Variants in VPS45 observed in about 807,000 individuals in gnomAD.
The protein encoded by VPS45 is vacuolar protein sorting-associated protein 45.
In VPS45, 35 loss-of-function variants were observed where a neutral mutation model predicts 75.9. That is an observed-to-expected ratio of 0.46 (90% CI 0.35 to 0.61). The LOEUF is 0.61. Among genes scored for constraint, VPS45 ranks in the 20% least tolerant of loss-of-function variants. The pLI is 0.00. For missense variants in VPS45, 559 were observed against 685.9 expected (o/e 0.81, Z 2.07); for synonymous variants, 220 against 238.2 (o/e 0.92, Z 0.70).
At chr1:150,110,726 C>A in intron 14 of VPS45, 99 bp downstream of exon 14, 2 of 1,184,562 alleles carry the variant, frequency 1.7e-6, no homozygotes, top group Non-Finnish European at 2.3e-6. Context: ...ACTCACCAAA[C>A]TGCTGTAGAC....
chr1:150,072,290 C>T, intron 3 of VPS45, 64 bp downstream of exon 3: 1 of 1,120,348 alleles, frequency 8.9e-7, no homozygotes, highest in Non-Finnish European at 1.3e-6. Flanking sequence ...TTTCATTGAG[C>T]CCTTCATATC....
At chr1:150,116,661 T>C (rs1241081379) in intron 14 of VPS45, among the ~76,000 whole-genome samples, 2 of 152,234 alleles carry the variant, frequency 1.3e-5, no homozygotes, top group Non-Finnish European at 2.9e-5. Context: ...GTTTTATTAC[T>C]TGATGGTAGC....
chr1:150,094,482 G>A (rs1368714644), intron 13 of VPS45, among the ~76,000 whole-genome samples: 1 of 151,968 alleles, frequency 6.6e-6, no homozygotes, highest in Non-Finnish European at 1.5e-5. Context: ...TCTTTTATGT[G>A]ATAAAGTGTA....
chr1:150,076,886 G>C (rs1553798193), intron 4 of VPS45, 30 bp from the exon 5 acceptor site: 1 of 1,612,096 alleles, frequency 6.2e-7, no homozygotes, highest in African/African-American at 1.3e-5. Context: ...GAAGTTTATG[G>C]AATGACTATT....
chr1:150,068,049 G>A, intron 1 of VPS45, 99 bp downstream of exon 1: 1 of 1,236,772 alleles, frequency 8.1e-7, no homozygotes. Context: ...TTAAACATAC[G>A]AAAATGAGGG....
chr1:150,140,386 GGTGT>G (rs574312693), intron 14 of VPS45, among the ~76,000 whole-genome samples: 4,473 of 140,350 alleles, frequency 0.032, 109 homozygotes, highest in African/African-American at 0.073. Context: ...CATCACTTCT[GGTGT>G]GTGTGTGTGT....
At position 150,110,535 on chromosome 1, in the gene VPS45, C is replaced by A; in HGVS notation, c.1533C>A (p.Thr511=). Residue 511 remains threonine (T), a synonymous_variant, in exon 14 of 15, where the codon ACC becomes ACA. Coordinates refer to ENST00000644510, the MANE Select transcript of VPS45 (RefSeq NM_007259.5). ...TTGTGTTTGTAATTGGAGGAGCCAC[C>A]TATGAAGAGGCTCTAACAGTTTATA... ...DIIVFVIGGA[T]YEEALTVYNL... is the part of the protein sequence containing the mutation. The A allele has an allele frequency of 6.2e-7, 1 of 1,613,568 alleles. No individual in the cohort carries two copies. Among genetic ancestry groups the A allele is most frequent in the South Asian group, 1.1e-5 (1 of 91,054 alleles).
intron 14 of VPS45, among the ~76,000 whole-genome samples, chr1:150,111,554 A>G (rs1422466882): frequency 6.6e-6 from 1 of 152,204 alleles, no homozygotes; most frequent in Non-Finnish European, 1.5e-5. Context: ...AGCTAAAGGT[A>G]GAAGAGGAAA....
intron 10 of VPS45, 115 bp from the exon 11 acceptor site, chr1:150,091,822 A>G: frequency 2.2e-6 from 2 of 913,638 alleles, no homozygotes; most frequent in Non-Finnish European, 3.2e-6. Context: ...TGTATGACTT[A>G]TAATTGTCAT....
At chr1:150,115,271 A>G (rs1194762135) in intron 14 of VPS45, among the ~76,000 whole-genome samples, 1 of 152,098 alleles carries the variant, frequency 6.6e-6, no homozygotes, top group African/African-American at 2.4e-5. Context: ...TTTTCAGATC[A>G]GTGTTCCAGT....
chr1:150,074,201 T>A (rs1475806726), intron 3 of VPS45, among the ~76,000 whole-genome samples: 1 of 151,782 alleles, frequency 6.6e-6, no homozygotes, highest in Non-Finnish European at 1.5e-5. Context: ...TTTTTTTTAG[T>A]AGAGACAGGG....
chr1:150,072,539 C>A (rs1200208906), intron 3 of VPS45, among the ~76,000 whole-genome samples: 1 of 151,980 alleles, frequency 6.6e-6, no homozygotes, highest in Non-Finnish European at 1.5e-5. Flanking sequence ...TGCCTGTAAT[C>A]CCAGCTACTT....
chr1:150,138,458 G>A (rs1659227617), intron 14 of VPS45, among the ~76,000 whole-genome samples: 1 of 152,092 alleles, frequency 6.6e-6, no homozygotes, highest in African/African-American at 2.4e-5. Flanking sequence ...ACGGCTTTAA[G>A]TTGTATGTCT....
At chr1:150,096,746 T>G (rs1656675641) in intron 13 of VPS45, among the ~76,000 whole-genome samples, 1 of 152,150 alleles carries the variant, frequency 6.6e-6, no homozygotes, top group Admixed American at 6.5e-5. Context: ...AAAACTACAG[T>G]GGGTGTCACA....
chr1:150,135,404 A>G (rs1012790892), intron 14 of VPS45, among the ~76,000 whole-genome samples: 1 of 151,786 alleles, frequency 6.6e-6, no homozygotes, highest in South Asian at 2.1e-4. Context: ...CTGGGATTAC[A>G]GGTGCCTACC....
At chr1:150,097,714 G>A (rs587762108) in intron 13 of VPS45, among the ~76,000 whole-genome samples, 6 of 151,474 alleles carry the variant, frequency 4.0e-5, no homozygotes, top group Non-Finnish European at 7.4e-5. Context: ...GCAAGGCTCC[G>A]TCTCAAAACA....
chr1:150,082,380 C>A (rs1655762832), intron 9 of VPS45, among the ~76,000 whole-genome samples: 1 of 152,058 alleles, frequency 6.6e-6, no homozygotes. Context: ...GTGGCGCATG[C>A]CTGTAATCCC....
chr1:150,117,773 C>T (rs10736385), intron 14 of VPS45, among the ~76,000 whole-genome samples: 2,483 of 151,804 alleles, frequency 0.016, 64 homozygotes, highest in African/African-American at 0.057. Flanking sequence ...GCAGGAGAAT[C>T]GCTTGAGTCC....
At chr1:150,136,482 G>A (rs1228593704) in intron 14 of VPS45, among the ~76,000 whole-genome samples, 1 of 152,036 alleles carries the variant, frequency 6.6e-6, no homozygotes, top group East Asian at 1.9e-4. Context: ...TTGAACTCAG[G>A]AGGTGGAGGT....
Sources: gnomAD v4.1 joint callset for allele counts (sites outside exome capture counted in the v4.1 genomes callset) on GRCh38, gnomAD v4.1.1 for gene constraint, MANE v1.5 for transcripts, NCBI Gene and HGNC (gene_info 2026-07-23, HGNC 2026-07-21) for gene names.